Variants in GALNTL6 observed in about 807,000 individuals in gnomAD.
GALNTL6 encodes polypeptide N-acetylgalactosaminyltransferase-like 6.
In GALNTL6, 46 loss-of-function variants were observed where a neutral mutation model predicts 73.7. That is an observed-to-expected ratio of 0.62 (90% CI 0.49 to 0.80). GALNTL6 has a LOEUF of 0.80. Among genes scored for constraint, GALNTL6 ranks in the 30% least tolerant of loss-of-function variants. The pLI is 0.00. For synonymous variants in GALNTL6, 259 were observed against 263.7 expected, an observed-to-expected ratio of 0.98 and a Z score of 0.17; for missense variants, 604 against 755.0, an observed-to-expected ratio of 0.80 and a Z score of 2.34.
At chr4:172,373,900 C>T (rs1451482543) in intron 5 of GALNTL6, among the ~76,000 whole-genome samples, 2 of 152,152 alleles carry the variant, frequency 1.3e-5, no homozygotes, top group South Asian at 2.1e-4. Flanking sequence ...CTGAGAAGGC[C>T]GCGCCAGTGT....
chr4:172,155,508 T>C (rs1360117066), intron 2 of GALNTL6, among the ~76,000 whole-genome samples: 2 of 152,218 alleles, frequency 1.3e-5, no homozygotes, highest in African/African-American at 2.4e-5. Context: ...CATTTTGTTA[T>C]AGTAACTTGA....
intron 5 of GALNTL6, among the ~76,000 whole-genome samples, chr4:172,492,241 T>C (rs1733923279): frequency 6.6e-6 from 1 of 152,186 alleles, no homozygotes; most frequent in Admixed American, 6.5e-5. Context: ...TTATAGATAT[T>C]ATATCTAAGT....
At chr4:171,922,075 T>C (rs113975830) in intron 2 of GALNTL6, among the ~76,000 whole-genome samples, 6,058 of 149,456 alleles carry the variant, frequency 0.041, 335 homozygotes, top group African/African-American at 0.12. Context: ...TCATAGTATG[T>C]GTGTGTGTGT....
intron 2 of GALNTL6, among the ~76,000 whole-genome samples, chr4:172,207,479 T>A (rs1421677541): frequency 1.3e-5 from 2 of 152,182 alleles, no homozygotes; most frequent in Non-Finnish European, 1.5e-5. Context: ...AAAGTTATGT[T>A]TTGACACGTT....
chr4:172,175,993 T>C lies in GALNTL6; in HGVS notation c.139-53663T>C, dbSNP rs1402130293. On this transcript the variant is annotated intron_variant, in intron 2 of 12. Transcript: ENST00000506823. ...TGGATTGACTTTTAAAAATAGCAACTATGAAACTCAAATCAATTAATAGAG... is the reference window on the plus strand; with the variant it reads ...TGGATTGACTTTTAAAAATAGCAACCATGAAACTCAAATCAATTAATAGAG... 3.9e-5 allele frequency among the ~76,000 whole-genome samples: 6 copies of C among 152,190 alleles called. No individual in the cohort carries two copies. In the East Asian group the frequency reaches 1.2e-3, roughly 29 times the overall value.
intron 8 of GALNTL6, among the ~76,000 whole-genome samples, chr4:172,920,462 ATT>A (rs1332069202): frequency 6.6e-6 from 1 of 152,178 alleles, no homozygotes; most frequent in East Asian, 1.9e-4. Flanking sequence ...GGTTAACAAT[ATT>A]TTAATTTCTA....
At chr4:172,952,519 G>GTTTTT (rs201491765) in intron 10 of GALNTL6, among the ~76,000 whole-genome samples, 2 of 147,408 alleles carry the variant, frequency 1.4e-5, no homozygotes, top group South Asian at 2.2e-4. Context: ...TTTTGTTTTT[G>GTTTTT]TTTTTGTTTT....
chr4:172,655,850 A>G (rs1730970317), intron 5 of GALNTL6, among the ~76,000 whole-genome samples: 2 of 152,196 alleles, frequency 1.3e-5, no homozygotes, highest in East Asian at 3.8e-4. Flanking sequence ...TTCAAATTTT[A>G]TTAGTGAAAT....
intron 2 of GALNTL6, among the ~76,000 whole-genome samples, chr4:172,048,904 G>T (rs563583812): frequency 1.3e-5 from 2 of 152,132 alleles, no homozygotes; most frequent in Admixed American, 1.3e-4. Context: ...CTTAGTCTCT[G>T]CCCAACATAC....
At chr4:172,621,253 C>T (rs575676192) in intron 5 of GALNTL6, among the ~76,000 whole-genome samples, 1 of 152,268 alleles carries the variant, frequency 6.6e-6, no homozygotes, top group Admixed American at 6.5e-5. Flanking sequence ...TGGGATCTTG[C>T]TATGTTGCCC....
At chr4:172,316,398 AGTCTCACTTTGTATT>A (rs1161325843) in intron 4 of GALNTL6, among the ~76,000 whole-genome samples, 1 of 152,238 alleles carries the variant, frequency 6.6e-6, no homozygotes, top group Non-Finnish European at 1.5e-5. Flanking sequence ...AAATTAATAT[AGTCTCACTTTGTATT>A]GTGACTTTTT....
intron 2 of GALNTL6, among the ~76,000 whole-genome samples, chr4:172,166,042 GTCA>G (rs1416958122): frequency 6.6e-6 from 1 of 152,150 alleles, no homozygotes; most frequent in Non-Finnish European, 1.5e-5. Flanking sequence ...ACAGTCTCAT[GTCA>G]TCATAAAAGA....
intron 3 of GALNTL6, among the ~76,000 whole-genome samples, chr4:172,291,437 C>G (rs1739466693): frequency 6.6e-6 from 1 of 151,948 alleles, no homozygotes; most frequent in African/African-American, 2.4e-5. Context: ...GTTTATAATA[C>G]TTAAAGATTT....
chr4:172,372,197 G>A (rs1160902641), intron 5 of GALNTL6, among the ~76,000 whole-genome samples: 3 of 152,152 alleles, frequency 2.0e-5, no homozygotes, highest in African/African-American at 7.2e-5. Flanking sequence ...TTAGCTAAGG[G>A]GACTTTGAAG....
intron 5 of GALNTL6, among the ~76,000 whole-genome samples, chr4:172,520,758 C>T (rs1734751522): frequency 6.6e-6 from 1 of 151,978 alleles, no homozygotes; most frequent in Non-Finnish European, 1.5e-5. Flanking sequence ...ACTCAACTAA[C>T]ATATTCTCAT....
chr4:172,981,384 G>GT (rs961107261), intron 10 of GALNTL6, among the ~76,000 whole-genome samples: 8 of 152,108 alleles, frequency 5.3e-5, no homozygotes, highest in Non-Finnish European at 8.8e-5. Context: ...CTGTTGCTGG[G>GT]TTTTTTTAAC....
At chr4:172,647,223 GA>G (rs1384748727) in intron 5 of GALNTL6, among the ~76,000 whole-genome samples, 1 of 152,030 alleles carries the variant, frequency 6.6e-6, no homozygotes, top group Non-Finnish European at 1.5e-5. Context: ...TAGACTTTAG[GA>G]GAATAGGTTT....
chr4:172,925,152 A>G (rs1056628033), intron 8 of GALNTL6, among the ~76,000 whole-genome samples: 6 of 149,276 alleles, frequency 4.0e-5, no homozygotes, highest in East Asian at 3.9e-4. Flanking sequence ...GATTACAGGC[A>G]TGAGCCACCG....
chr4:172,865,047 A>G (rs984988361), intron 7 of GALNTL6, among the ~76,000 whole-genome samples: 5 of 152,206 alleles, frequency 3.3e-5, no homozygotes, highest in African/African-American at 4.8e-5. Context: ...TTGAGAAACT[A>G]TTAACCTTTG....
Sources: allele counts gnomAD v4.1 joint callset (sites outside exome capture counted in the v4.1 genomes callset), GRCh38; gene constraint gnomAD v4.1.1; transcripts MANE v1.5; gene names NCBI Gene and HGNC (gene_info 2026-07-23, HGNC 2026-07-21).